The following SARDH variants were observed in gnomAD, a reference collection of about 807,000 sequenced individuals.
SARDH encodes sarcosine dehydrogenase, mitochondrial.
SARDH carries 95 observed loss-of-function variants against 109.1 expected under a neutral mutation model. The observed-to-expected ratio is 0.87, with a 90% CI of 0.74 to 1.03. The LOEUF is 1.03. Ranked by LOEUF, SARDH falls within the 50% of genes least tolerant of loss-of-function variation. The pLI, the probability that SARDH is intolerant of heterozygous loss-of-function variation, is 0.00. For synonymous variants in SARDH, 572 were observed against 534.8 expected (o/e 1.07, Z -0.96); for missense variants, 1,267 against 1,287.8 (o/e 0.98, Z 0.25).
intron 6 of SARDH, among the ~76,000 whole-genome samples, chr9:133,719,862 A>G (rs1473872884): frequency 6.6e-6 from 1 of 152,106 alleles, no homozygotes; most frequent in East Asian, 1.9e-4. Flanking sequence ...CTGTAATCCC[A>G]GTGCTTTGGG....
At position 133,717,325 on chromosome 9, in the gene SARDH, C is replaced by T. The variant is rs775335557; in HGVS notation, c.1150+1G>A. Reference sequence around the variant, plus strand: ...ACCCCAGCTCCGAGGCTGTCACTCACCAGGGCCGCAGACCGTGGACTTGAT... The same window carrying T: ...ACCCCAGCTCCGAGGCTGTCACTCATCAGGGCCGCAGACCGTGGACTTGAT... On this transcript the variant is annotated splice_donor_variant, in intron 8 of 20. Coordinates refer to ENST00000439388, the MANE Select transcript of SARDH (RefSeq NM_001134707.2). LOFTEE classifies it high-confidence loss of function. The T allele has an allele frequency of 4.3e-6, 7 of 1,613,910 alleles. 1 individual carries two copies. Among genetic ancestry groups the T allele is most frequent in the African/African-American group, 4.0e-5 (3 of 74,924 alleles).
chr9:133,687,426 G>T (rs907030888), intron 16 of SARDH, among the ~76,000 whole-genome samples: 3 of 152,138 alleles, frequency 2.0e-5, no homozygotes, highest in Admixed American at 1.3e-4. Context: ...GTGCACCACC[G>T]TGCTGAGCTA....
chr9:133,680,475 G>C (rs955375663), intron 17 of SARDH, among the ~76,000 whole-genome samples: 1 of 152,242 alleles, frequency 6.6e-6, no homozygotes, highest in African/African-American at 2.4e-5. Flanking sequence ...GGCCACCTGG[G>C]AGCGCGTGGC....
intron 17 of SARDH, among the ~76,000 whole-genome samples, chr9:133,684,131 T>C (rs1830800703): frequency 6.6e-6 from 1 of 152,340 alleles, no homozygotes; most frequent in Middle Eastern, 3.4e-3. Flanking sequence ...AGGGTGGTCA[T>C]GCACTGAGGT....
Position 133,686,152 on chromosome 9 carries a change from A to T in SARDH, c.2070-866T>A, listed in dbSNP as rs968320593. 2.0e-5 allele frequency among the ~76,000 whole-genome samples: 3 copies of T among 151,936 alleles called. No homozygotes were observed. Among genetic ancestry groups the T allele is most frequent in the African/African-American group, 7.3e-5 (3 of 41,352 alleles). On this transcript the variant is annotated intron_variant, in intron 16 of 20. Coordinates refer to ENST00000439388, the MANE Select transcript of SARDH (RefSeq NM_001134707.2). This position sits in a 1 kb window ranked among gnomAD's most constrained non-coding sequence, Gnocchi z 4.0. The stretch of plus-strand genomic sequence containing the variant: ...CAGTTTGCACAGACTTGCTGGGTCC[A>T]CCCCTGCTTTTAAGCTCTGCGAGGG...
At chr9:133,673,994 C>T (rs1564236706) in intron 17 of SARDH, among the ~76,000 whole-genome samples, 1 of 152,134 alleles carries the variant, frequency 6.6e-6, no homozygotes, top group Non-Finnish European at 1.5e-5. Flanking sequence ...CAGCCTGGCC[C>T]AAGAAACAGT....
intron 6 of SARDH, among the ~76,000 whole-genome samples, chr9:133,722,935 A>T (rs1832377534): frequency 6.6e-6 from 1 of 152,252 alleles, no homozygotes; most frequent in Non-Finnish European, 1.5e-5. Context: ...CTGGGATTAT[A>T]GGCATGAGCC....
upstream of SARDH, among the ~76,000 whole-genome samples, chr9:133,739,288 G>A (rs1046328317): frequency 3.3e-5 from 5 of 152,216 alleles, no homozygotes; most frequent in African/African-American, 1.2e-4. Flanking sequence ...GGAAGCGATC[G>A]TATAGTAAAC....
chr9:133,735,440 G>A (rs1174794010), intron 1 of SARDH, among the ~76,000 whole-genome samples: 2 of 152,228 alleles, frequency 1.3e-5, no homozygotes, highest in East Asian at 1.9e-4. Context: ...GCAAGAGGGA[G>A]CCCTCCTTCT....
intron 17 of SARDH, among the ~76,000 whole-genome samples, chr9:133,683,679 G>C (rs1346994443): frequency 6.6e-6 from 1 of 152,188 alleles, no homozygotes; most frequent in Non-Finnish European, 1.5e-5. Flanking sequence ...AGAGCCGCTG[G>C]GATCTCCCTA....
chr9:133,664,137 G>C (rs1829975838), intron 20 of SARDH, 123 bp from the exon 21 acceptor site: 2 of 1,317,132 alleles, frequency 1.5e-6, no homozygotes, highest in African/African-American at 1.5e-5. Flanking sequence ...ACTCATCCCT[G>C]TGCCAGGGAC....
intron 6 of SARDH, among the ~76,000 whole-genome samples, chr9:133,722,095 A>G (rs1341898358): frequency 3.3e-5 from 5 of 151,382 alleles, no homozygotes; most frequent in African/African-American, 1.2e-4. Context: ...CAGCCTGGGC[A>G]ACAGAGTCTC....
chr9:133,669,902 C>A (rs1830275920), intron 19 of SARDH, among the ~76,000 whole-genome samples: 1 of 152,242 alleles, frequency 6.6e-6, no homozygotes, highest in Admixed American at 6.5e-5. Context: ...AGACCTGCCA[C>A]AGAGGGGTGG....
Position 133,731,410 on chromosome 9 carries a change from A to C in SARDH, c.585T>G (p.Asn195Lys), listed in dbSNP as rs766491921. Residue 195 changes from asparagine (N) to lysine (K), a missense_variant, in exon 4 of 21, where the codon AAT (asparagine) becomes AAG (lysine). By Grantham distance (94) the Asn-to-Lys change is moderately conservative. Transcript: ENST00000439388. ...ACAGGGTCCCGTAGAGGTCGTCCAC[A>C]TTCATCAGCGGGTACAGAGTCTTGG... ...AETKTLYPLM[N>K]VDDLYGTLYV... 4 of 1,614,016 alleles carry C rather than the reference A, an allele frequency of 2.5e-6. No individual in the cohort carries two copies. In the African/African-American group the frequency reaches 4.0e-5, roughly 16 times the overall value.
chr9:133,708,351 G>T lies in SARDH; in HGVS notation c.1406C>A (p.Ser469Tyr). The T allele has an allele frequency of 6.2e-7, 1 of 1,613,412 alleles. No homozygotes were observed. The highest frequency in any genetic ancestry group is 1.1e-5 in the South Asian group (1 of 91,076). ...RSHESYAKNY[S>Y]VVFPHDEPLA... Reference sequence around the variant, plus strand: ...CGGCTCATCGTGGGGGAAGACGACGGAGTAGTTCTTGGCGTAGGACTCATG... The same window carrying T: ...CGGCTCATCGTGGGGGAAGACGACGTAGTAGTTCTTGGCGTAGGACTCATG... Residue 469 changes from serine (S) to tyrosine (Y), a missense_variant, in exon 11 of 21, where the codon TCC becomes TAC. By Grantham distance (144) the Ser-to-Tyr change is moderately radical. Coordinates refer to ENST00000439388, the MANE Select transcript of SARDH (RefSeq NM_001134707.2).
Position 133,696,229 on chromosome 9 carries a change from G to A in SARDH, c.1801C>T (p.Pro601Ser), listed in dbSNP as rs761467072. 3 of 1,613,882 alleles carry A rather than the reference G, an allele frequency of 1.9e-6. No homozygotes were observed. The highest frequency in any genetic ancestry group is 1.1e-5 in the South Asian group (1 of 91,078). ...DWLFSADVSR[P>S]PGSTVYTCML... ...CCAACCTCAGGCTCCATACCTGGGGGTCGGCTGACATCTGCGGAGAAGAGC... is the reference window on the plus strand; with the variant it reads ...CCAACCTCAGGCTCCATACCTGGGGATCGGCTGACATCTGCGGAGAAGAGC... The change falls in exon 14 of 21, where the codon CCC becomes TCC. Residue 601 changes from proline (P) to serine (S), a missense_variant. Physicochemically the swap from Pro to Ser is moderately conservative, Grantham distance 74. Transcript: ENST00000439388.
intron 16 of SARDH, among the ~76,000 whole-genome samples, 178 bp downstream of exon 16, chr9:133,690,202 C>T (rs746738724): frequency 6.6e-6 from 1 of 152,206 alleles, no homozygotes; most frequent in Non-Finnish European, 1.5e-5. Context: ...GTGTTACCGG[C>T]TTATCTGCAT....
At chr9:133,714,847 G>A (rs942875446) in intron 8 of SARDH, among the ~76,000 whole-genome samples, 3 of 152,150 alleles carry the variant, frequency 2.0e-5, no homozygotes, top group African/African-American at 7.2e-5. Context: ...TGGGAGGGCT[G>A]GAACTATTTC....
intron 17 of SARDH, among the ~76,000 whole-genome samples, chr9:133,681,558 C>A (rs1358914306): frequency 6.6e-6 from 1 of 152,232 alleles, no homozygotes; most frequent in African/African-American, 2.4e-5. Context: ...GAAGGAGCCA[C>A]ATCTTCCATC....
Sources: gnomAD v4.1 joint callset for allele counts (sites outside exome capture counted in the v4.1 genomes callset) on GRCh38, gnomAD v4.1.1 for gene constraint, Gnocchi (gnomAD v3.1) non-coding constraint, MANE v1.5 for transcripts, NCBI Gene and HGNC (gene_info 2026-07-23, HGNC 2026-07-21) for gene names.